The following DCLK2 variants were observed in gnomAD, a reference collection of about 807,000 sequenced individuals.
DCLK2 encodes the protein doublecortin like kinase 2.
DCLK2 carries 31 observed loss-of-function variants against 78.4 expected under a neutral mutation model. The ratio of observed to expected loss-of-function variants is 0.40; its 90% CI spans 0.30 to 0.53. The LOEUF is 0.53. Ranked by LOEUF, DCLK2 falls within the 20% of genes least tolerant of loss-of-function variation. The pLI is 0.61. For missense variants in DCLK2, 872 were observed against 973.7 expected (o/e 0.90, Z 1.39); for synonymous variants, 407 against 374.9 (o/e 1.09, Z -0.99).
intron 10 of DCLK2, among the ~76,000 whole-genome samples, chr4:150,233,407 T>C (rs1742232605): frequency 6.6e-6 from 1 of 152,122 alleles, no homozygotes; most frequent in African/African-American, 2.4e-5. Context: ...TACAAGAAAA[T>C]ACATTTTCAT....
At chr4:150,121,908 G>A (rs1000109881) in intron 2 of DCLK2, among the ~76,000 whole-genome samples, 1 of 152,226 alleles carries the variant, frequency 6.6e-6, no homozygotes, top group African/African-American at 2.4e-5. Flanking sequence ...TCAAAGAGCA[G>A]TAATATTTTG....
chr4:150,175,087 TA>T (rs1736916212), intron 2 of DCLK2, among the ~76,000 whole-genome samples: 1 of 560 alleles, frequency 1.8e-3, no homozygotes. Flanking sequence ...TATATTTATA[TA>T]TATATTTATA....
chr4:150,155,855 G>T (rs1022089941), intron 2 of DCLK2, among the ~76,000 whole-genome samples: 1 of 152,162 alleles, frequency 6.6e-6, no homozygotes, highest in African/African-American at 2.4e-5. Context: ...GGAAACATGG[G>T]AATTGATGTC....
intron 2 of DCLK2, among the ~76,000 whole-genome samples, chr4:150,180,403 C>CA (rs112295260): frequency 1.1e-4 from 16 of 152,268 alleles, no homozygotes; most frequent in African/African-American, 3.6e-4. Flanking sequence ...GGAAGATTGC[C>CA]ACCTTTTGCT....
chr4:150,242,335 A>G (rs1038269117), intron 12 of DCLK2, among the ~76,000 whole-genome samples: 19 of 152,226 alleles, frequency 1.2e-4, no homozygotes, highest in Middle Eastern at 3.2e-3. Context: ...TTGTGGTATT[A>G]GTGGAGTTTT....
At chr4:150,084,643 C>T (rs1038537486) in intron 1 of DCLK2, among the ~76,000 whole-genome samples, 2 of 152,146 alleles carry the variant, frequency 1.3e-5, no homozygotes, top group Admixed American at 6.5e-5. Context: ...GAGTATGACA[C>T]AGTGATACTC....
In DCLK2 at chr4:150,117,146, T is replaced by A. The variant is rs1732155802; in HGVS notation, c.756+14334T>A. ...CAGTGGCCCCAGTGGGGATCAGGGG[T>A]CAGTTCTCTGGCTACTGGGGTAATG... On this transcript the variant is annotated intron_variant, in intron 2 of 15. Transcript: ENST00000296550. Among the ~76,000 whole-genome samples, 3 of 152,058 alleles carry A rather than the reference T, an allele frequency of 2.0e-5. No homozygotes were observed. In the South Asian group the frequency reaches 6.2e-4, roughly 32 times the overall value.
In DCLK2 at chr4:150,190,208, T is replaced by C. The variant is rs1301812619; in HGVS notation, c.757-2930T>C. ...ACAGAGTTGAGACCCTGGATAGATA[T>C]AGATAGATAGATGGATAGATGGATA... On this transcript the variant is annotated intron_variant, in intron 2 of 15. Coordinates refer to ENST00000296550, the MANE Select transcript of DCLK2 (RefSeq NM_001040260.4). Among the ~76,000 whole-genome samples, 4 of 117,448 alleles carry C rather than the reference T, an allele frequency of 3.4e-5. No individual in the cohort carries two copies. In the Admixed American group the frequency reaches 3.5e-4, roughly 10 times the overall value. The allele number at this position is 117,448 out of a possible 152,430, so 77.1% of individuals were successfully genotyped here.
chr4:150,176,305 G>A (rs547841585), intron 2 of DCLK2, among the ~76,000 whole-genome samples: 54 of 152,220 alleles, frequency 3.5e-4, no homozygotes, highest in African/African-American at 1.2e-3. Context: ...GAGTGCCTAC[G>A]GCACAGGCGC....
chr4:150,172,866 G>C (rs765705688), intron 2 of DCLK2, among the ~76,000 whole-genome samples: 1 of 150,702 alleles, frequency 6.6e-6, no homozygotes, highest in Non-Finnish European at 1.5e-5. Flanking sequence ...TTTCCTTGTC[G>C]TAGGAATGGA....
chr4:150,158,513 C>A (rs546455056), intron 2 of DCLK2, among the ~76,000 whole-genome samples: 1 of 152,266 alleles, frequency 6.6e-6, no homozygotes, highest in Admixed American at 6.5e-5. Flanking sequence ...CTCTATTTTG[C>A]TTACTGGATA....
chr4:150,224,018 G>A (rs1741404382), intron 7 of DCLK2, among the ~76,000 whole-genome samples: 1 of 152,004 alleles, frequency 6.6e-6, no homozygotes, highest in African/African-American at 2.4e-5. Context: ...TGTCTCCTAA[G>A]AGAACTATTT....
In DCLK2 at chr4:150,139,913, A is replaced by G. The variant is rs549402894; in HGVS notation, c.756+37101A>G. Among the ~76,000 whole-genome samples the G allele has an allele frequency of 3.2e-4, 48 of 152,350 alleles. 1 individual carries two copies. The South Asian group carries it at 7.9e-3, about 25-fold the overall frequency. On this transcript the variant is annotated intron_variant, in intron 2 of 15. Transcript: ENST00000296550. ...AATTAATTTTGTTTGCCTATTTTCT[A>G]TCCAAATGACATGGTTGGTTTGTTT...
At chr4:150,099,901 A>C (rs1363038414) in intron 1 of DCLK2, among the ~76,000 whole-genome samples, 3 of 152,142 alleles carry the variant, frequency 2.0e-5, no homozygotes, top group Non-Finnish European at 1.5e-5. Context: ...TGATGGAACT[A>C]GTCTACAAGT....
At chr4:150,129,445 G>A (rs1227097184) in intron 2 of DCLK2, among the ~76,000 whole-genome samples, 1 of 152,046 alleles carries the variant, frequency 6.6e-6, no homozygotes, top group African/African-American at 2.4e-5. Context: ...TAATGGCCAG[G>A]CGCCGTGGCT....
intron 2 of DCLK2, among the ~76,000 whole-genome samples, chr4:150,118,716 T>C (rs1287752467): frequency 6.6e-6 from 1 of 152,134 alleles, no homozygotes; most frequent in Non-Finnish European, 1.5e-5. Flanking sequence ...ACAATTTTGT[T>C]GGCCAGGCAC....
intron 2 of DCLK2, among the ~76,000 whole-genome samples, chr4:150,140,467 G>A (rs922089332): frequency 2.6e-5 from 4 of 152,204 alleles, no homozygotes; most frequent in South Asian, 2.1e-4. Flanking sequence ...CCCCAATGGT[G>A]ACGCTGTGTG....
chr4:150,104,653 A>G (rs575050291), intron 2 of DCLK2, among the ~76,000 whole-genome samples: 1 of 152,200 alleles, frequency 6.6e-6, no homozygotes, highest in African/African-American at 2.4e-5. Context: ...TGAGATCTAT[A>G]GGATAAAGCA....
chr4:150,205,871 C>G (rs980176008), intron 5 of DCLK2, among the ~76,000 whole-genome samples: 3 of 152,212 alleles, frequency 2.0e-5, no homozygotes, highest in African/African-American at 7.2e-5. Context: ...CCTTCATATT[C>G]CTCCCCCAGG....
Sources: gnomAD v4.1 joint callset for allele counts (sites outside exome capture counted in the v4.1 genomes callset) on GRCh38, gnomAD v4.1.1 for gene constraint, MANE v1.5 for transcripts, NCBI Gene and HGNC (gene_info 2026-07-23, HGNC 2026-07-21) for gene names.